MMD2: variants seen among roughly 807,000 people sequenced by gnomAD.
MMD2 encodes monocyte to macrophage differentiation factor 2.
In MMD2, 30 loss-of-function variants were observed where a neutral mutation model predicts 33.5. The ratio of observed to expected loss-of-function variants is 0.90; its 90% CI spans 0.67 to 1.22. MMD2 has a LOEUF of 1.22. Among genes scored for constraint, MMD2 ranks in the 50% most tolerant of loss-of-function variants. MMD2 has a pLI of 0.00. For synonymous variants in MMD2, 129 were observed against 123.0 expected, an observed-to-expected ratio of 1.05 and a Z score of -0.32; for missense variants, 364 against 325.4, an observed-to-expected ratio of 1.12 and a Z score of -0.91.
chr7:4,929,202 T>A (rs779716154), intron 1 of MMD2, among the ~76,000 whole-genome samples: 6 of 152,016 alleles, frequency 3.9e-5, no homozygotes, highest in Non-Finnish European at 8.8e-5. Context: ...GTGATTCCAG[T>A]CAGTCAAGTG....
the MMD2 span, among the ~76,000 whole-genome samples, chr7:4,893,699 C>G: frequency 1.1e-4 from 17 of 152,026 alleles, no homozygotes; most frequent in African/African-American, 1.4e-4. Context: ...CCAGTTATTT[C>G]TTGATTATAT....
chr7:4,921,529 G>A (rs1051152342), intron 2 of MMD2, among the ~76,000 whole-genome samples: 3 of 151,352 alleles, frequency 2.0e-5, no homozygotes, highest in Admixed American at 2.0e-4. Flanking sequence ...GCTGAGGCAG[G>A]AGAATTGCTT....
Position 4,926,696 on chromosome 7 carries a change from C to T in MMD2, c.48-1164G>A, listed in dbSNP as rs540165280. On this transcript the variant is annotated intron_variant, in intron 1 of 6. Transcript: ENST00000401401. ...CTTCTTTTGCTTAACGTGATTTTTG[C>T]GAGATTCATCCACATTTTGGGGTAC... Among the ~76,000 whole-genome samples, 74 of 152,182 alleles carry T rather than the reference C, an allele frequency of 4.9e-4. 1 individual carries two copies. In the South Asian group the frequency reaches 0.015, roughly 32 times the overall value.
rs1786472367 is a variant in MMD2 at position 4,959,126 on chromosome 7, C to G, written c.-109G>C. 1 of 903,042 alleles carries G rather than the reference C, an allele frequency of 1.1e-6. No homozygotes were observed. The highest frequency in any genetic ancestry group is 1.5e-6 in the Non-Finnish European group (1 of 689,522). The allele number at this position is 903,042 out of a possible 1,614,324, so 55.9% of individuals were successfully genotyped here. A position where few individuals can be genotyped will look rare whatever the true frequency, so the allele number is the denominator to read the frequency against. On this transcript the variant is annotated 5_prime_UTR_variant, in exon 1 of 7. Coordinates refer to ENST00000401401, the MANE Select transcript of MMD2 (RefSeq NM_198403.4). ...AGGTTGGAGGGCGCGCGGCGGGGGCCAAGGGGACCTGGTCGGCGCCCGGAG... is the reference window on the plus strand; with the variant it reads ...AGGTTGGAGGGCGCGCGGCGGGGGCGAAGGGGACCTGGTCGGCGCCCGGAG...
At chr7:4,897,431 T>C in the MMD2 span, among the ~76,000 whole-genome samples, 1 of 152,280 alleles carries the variant, frequency 6.6e-6, no homozygotes, top group South Asian at 2.1e-4. Context: ...GGACATTTTT[T>C]TAAAAGTCAT....
chr7:4,922,611 G>A (rs1475316996), intron 2 of MMD2, among the ~76,000 whole-genome samples: 4 of 152,082 alleles, frequency 2.6e-5, no homozygotes, highest in Admixed American at 1.3e-4. Flanking sequence ...ATCGCTCTCT[G>A]TTGCCCAGGC....
chr7:4,920,318 G>A lies in MMD2; in HGVS notation c.143C>T (p.Pro48Leu), dbSNP rs752387836. The stretch of plus-strand genomic sequence containing the variant: ...GAGGTTGGAGCTGCCCAGGATGCTG[G>A]GGATGATCCAGAACTGGAGGGGCAG... ...NCATHAFWII[P>L]SILGSSNLYF... The change falls in exon 3 of 7, where the codon CCC (proline) becomes CTC (leucine). Residue 48 changes from proline (P) to leucine (L), a missense_variant. Pro to Leu is a moderately conservative substitution (Grantham distance 98). Coordinates refer to ENST00000401401, the MANE Select transcript of MMD2 (RefSeq NM_198403.4). 6.2e-7 allele frequency: 1 copy of A among 1,608,582 alleles called. No homozygotes were observed. Among genetic ancestry groups the A allele is most frequent in the Non-Finnish European group, 8.5e-7 (1 of 1,177,918 alleles).
chr7:4,909,155 C>T (rs781479900), intron 6 of MMD2, among the ~76,000 whole-genome samples: 1 of 151,788 alleles, frequency 6.6e-6, no homozygotes, highest in African/African-American at 2.4e-5. Flanking sequence ...TAGTCCTGGC[C>T]CCCAGATGTG....
At position 4,938,046 on chromosome 7, in the gene MMD2, T is replaced by C. The variant is rs539211495; in HGVS notation, c.48-12514A>G. 4.9e-5 allele frequency among the ~76,000 whole-genome samples: 7 copies of C among 142,540 alleles called. No individual in the cohort carries two copies. The South Asian group carries it at 1.2e-3, about 25-fold the overall frequency. 93.5% of individuals were successfully genotyped at this position (142,540 alleles called of 152,430 possible). Reference sequence around the variant, plus strand: ...TTTTTTTTGAGATGGAGTTTTGCTCTTGTTGCCCAGGCTGGAGTGCAATGG... The same window carrying C: ...TTTTTTTTGAGATGGAGTTTTGCTCCTGTTGCCCAGGCTGGAGTGCAATGG... On this transcript the variant is annotated intron_variant, in intron 1 of 6. Coordinates refer to ENST00000401401, the MANE Select transcript of MMD2 (RefSeq NM_198403.4).
intron 1 of MMD2, among the ~76,000 whole-genome samples, chr7:4,927,033 C>T (rs1785449827): frequency 6.6e-6 from 1 of 151,818 alleles, no homozygotes; most frequent in Non-Finnish European, 1.5e-5. Flanking sequence ...CGTGAGCCAC[C>T]GCGCCCGGCC....
At chr7:4,895,228 C>T in the MMD2 span, among the ~76,000 whole-genome samples, 1 of 152,106 alleles carries the variant, frequency 6.6e-6, no homozygotes, top group Admixed American at 6.6e-5. Context: ...AGGCGACCAC[C>T]ACCATGCCTG....
chr7:4,918,257 C>T (rs1785189254), intron 3 of MMD2, among the ~76,000 whole-genome samples: 1 of 152,172 alleles, frequency 6.6e-6, no homozygotes, highest in African/African-American at 2.4e-5. Flanking sequence ...GGTTACAAAG[C>T]AATCACTGAC....
chr7:4,940,604 T>C lies in MMD2; in HGVS notation c.48-15072A>G, dbSNP rs996542339. 6.6e-5 allele frequency among the ~76,000 whole-genome samples: 10 copies of C among 152,218 alleles called. No individual in the cohort carries two copies. The highest frequency in any genetic ancestry group is 2.4e-4 in the African/African-American group (10 of 41,468). Reference sequence around the variant, plus strand: ...CTGGCCGCTTCTTTGTGTCCATTCATGAATTCAAGGCTCCTCCTGAAAGGC... The same window carrying C: ...CTGGCCGCTTCTTTGTGTCCATTCACGAATTCAAGGCTCCTCCTGAAAGGC... On this transcript the variant is annotated intron_variant, in intron 1 of 6. Transcript: ENST00000401401. This position sits in a 1 kb window ranked among gnomAD's most constrained non-coding sequence, Gnocchi z 5.0.
the MMD2 span, among the ~76,000 whole-genome samples, chr7:4,897,459 C>T: frequency 2.0e-5 from 3 of 152,174 alleles, no homozygotes; most frequent in Non-Finnish European, 4.4e-5. Context: ...ACGCCACTCT[C>T]AGACATTGTA....
intron 5 of MMD2, among the ~76,000 whole-genome samples, chr7:4,910,943 T>G (rs531309638): frequency 6.6e-6 from 1 of 152,158 alleles, no homozygotes; most frequent in Non-Finnish European, 1.5e-5. Context: ...CCTGGCCACC[T>G]ATGATGTCTT....
rs142392866 is a variant in MMD2, at chr7:4,941,749, T to C, written c.48-16217A>G. ...CAGGGGTACATGTGCAGGTTTGTTA[T>C]GTAGGTAAATTGCATGTCACGGGGG... On this transcript the variant is annotated intron_variant, in intron 1 of 6. Coordinates refer to ENST00000401401, the MANE Select transcript of MMD2 (RefSeq NM_198403.4). Among the ~76,000 whole-genome samples, 485 of 151,914 alleles carry C rather than the reference T, an allele frequency of 3.2e-3. 3 individuals are homozygous for C. Among genetic ancestry groups the C allele is most frequent in the African/African-American group, 0.011 (448 of 41,496 alleles).
downstream of MMD2, among the ~76,000 whole-genome samples, chr7:4,903,920 C>T (rs577794922): frequency 8.6e-5 from 13 of 151,964 alleles, no homozygotes; most frequent in East Asian, 3.9e-4. Context: ...TCTGAATTTC[C>T]GGTGCATGCC....
At chr7:4,945,199 T>TCTTCTTCTTCTTCTTCTTCTTCTTCTG (rs1786030823) in intron 1 of MMD2, among the ~76,000 whole-genome samples, 1 of 137,458 alleles carries the variant, frequency 7.3e-6, no homozygotes, top group South Asian at 2.6e-4. Context: ...TTCTTCTTCT[T>TCTTCTTCTTCTTCTTCTTCTTCTTCTG]CTTCTTCTTC....
intron 3 of MMD2, 57 bp downstream of exon 3, chr7:4,920,114 T>C (rs1326591724): frequency 6.5e-7 from 1 of 1,527,512 alleles, no homozygotes; most frequent in Admixed American, 2.0e-5. Context: ...CGGGCTGCCA[T>C]GGGTCCCCCT....
Sources: allele counts gnomAD v4.1 joint callset (sites outside exome capture counted in the v4.1 genomes callset), GRCh38; gene constraint gnomAD v4.1.1; non-coding constraint Gnocchi (gnomAD v3.1); transcripts MANE v1.5; gene names NCBI Gene and HGNC (gene_info 2026-07-23, HGNC 2026-07-21).